Variants in STAC observed in about 807,000 individuals in gnomAD.
The protein encoded by STAC is SH3 and cysteine rich domain.
Under a neutral mutation model 48.8 loss-of-function variants are expected in STAC, and 43 were observed. That is an observed-to-expected ratio of 0.88 (90% CI 0.69 to 1.14). The LOEUF is 1.14. STAC is among the 50% of genes most tolerant of loss of function. STAC has a pLI of 0.00. For missense variants in STAC, 497 were observed against 504.0 expected, an observed-to-expected ratio of 0.99 and a Z score of 0.13; for synonymous variants, 193 against 179.5, an observed-to-expected ratio of 1.07 and a Z score of -0.60.
At chr3:36,517,131 A>G (rs114470630) in intron 8 of STAC, among the ~76,000 whole-genome samples, 5,545 of 152,220 alleles carry the variant, frequency 0.036, 220 homozygotes, top group African/African-American at 0.094. Flanking sequence ...GCCATCATGC[A>G]TGGGGTCTCG....
Position 36,475,044 on chromosome 3 carries a change from C to G in STAC, c.389-7948C>G, listed in dbSNP as rs530853518. On this transcript the variant is annotated intron_variant, in intron 2 of 10. Coordinates refer to ENST00000273183, the MANE Select transcript of STAC (RefSeq NM_003149.3). ...GCACGCATGTGTGTTTGTATATCCA[C>G]TGACAAACTCTTTCAAACTTAGTTT... Among the ~76,000 whole-genome samples the G allele has an allele frequency of 2.0e-5, 3 of 152,260 alleles. No homozygotes were observed. In the East Asian group the frequency reaches 5.8e-4, roughly 29 times the overall value.
chr3:36,489,493 C>G (rs1178842954), intron 5 of STAC, among the ~76,000 whole-genome samples: 1 of 152,192 alleles, frequency 6.6e-6, no homozygotes, highest in African/African-American at 2.4e-5. Flanking sequence ...GGTTGGGCAC[C>G]CACCTCTTCC....
At chr3:36,438,365 A>G (rs1262734544) in intron 1 of STAC, among the ~76,000 whole-genome samples, 1 of 152,218 alleles carries the variant, frequency 6.6e-6, no homozygotes, top group Non-Finnish European at 1.5e-5. Context: ...TACCATTATT[A>G]TTATAAACAA....
chr3:36,444,659 C>T (rs1282592819), intron 2 of STAC, among the ~76,000 whole-genome samples: 1 of 152,198 alleles, frequency 6.6e-6, no homozygotes, highest in Admixed American at 6.5e-5. Context: ...CCCCCTAGCC[C>T]CCACCTGCCG....
At chr3:36,462,246 T>A (rs985349975) in intron 2 of STAC, among the ~76,000 whole-genome samples, 1 of 152,108 alleles carries the variant, frequency 6.6e-6, no homozygotes, top group East Asian at 1.9e-4. Context: ...CTGTCTACTA[T>A]AAGTTTTGGA....
At chr3:36,452,018 T>G (rs1486510774) in intron 2 of STAC, among the ~76,000 whole-genome samples, 1 of 152,184 alleles carries the variant, frequency 6.6e-6, no homozygotes, top group African/African-American at 2.4e-5. Context: ...TAGCATTGTT[T>G]CCCTGTCTGC....
intron 1 of STAC, among the ~76,000 whole-genome samples, chr3:36,406,437 G>T (rs1700089663): frequency 1.3e-5 from 2 of 152,188 alleles, no homozygotes; most frequent in South Asian, 4.1e-4. Context: ...ACATCTACCA[G>T]CTGTGCCTCC....
intron 1 of STAC, among the ~76,000 whole-genome samples, chr3:36,406,723 AC>A (rs1264462574): frequency 6.6e-6 from 1 of 152,190 alleles, no homozygotes; most frequent in East Asian, 1.9e-4. Flanking sequence ...ATTCATTCAC[AC>A]ATTGTTTATG....
intron 1 of STAC, among the ~76,000 whole-genome samples, chr3:36,384,717 T>A (rs2125610528): frequency 6.6e-6 from 1 of 152,210 alleles, no homozygotes. Context: ...AGCATGTGAT[T>A]TAGATTTTGA....
chr3:36,443,563 GT>G lies in STAC; in HGVS notation c.312del (p.Gly105AlafsTer23). On this transcript the variant is annotated frameshift_variant, in exon 2 of 11. Transcript: ENST00000273183. LOFTEE classifies it high-confidence loss of function. This position sits in a 1 kb window ranked among gnomAD's most constrained non-coding sequence, Gnocchi z 4.2. The part of the protein sequence containing the change: ...STPARAGLHP[G>X]GKAHAFQEYI... ...CCCGCCAGGGCTGGTCTGCATCCAG[GT>G]GGCAAGGCTCATGCCTTTCAGGAAT... is the stretch of plus-strand genomic sequence containing the variant. The G allele has an allele frequency of 1.2e-6, 2 of 1,614,182 alleles. No individual in the cohort carries two copies. Among genetic ancestry groups the G allele is most frequent in the Non-Finnish European group, 1.7e-6 (2 of 1,180,048 alleles).
chr3:36,383,692 C>G (rs1003776858), intron 1 of STAC, among the ~76,000 whole-genome samples: 1 of 152,190 alleles, frequency 6.6e-6, no homozygotes, highest in Non-Finnish European at 1.5e-5. Flanking sequence ...TGTGAACAAC[C>G]CGAACCAGCA....
intron 1 of STAC, among the ~76,000 whole-genome samples, chr3:36,420,145 C>T (rs1700415274): frequency 2.6e-5 from 4 of 152,178 alleles, no homozygotes; most frequent in Admixed American, 2.6e-4. Context: ...AATAGAATAA[C>T]ACATCCTTTT....
chr3:36,384,689 A>C (rs1487659018), intron 1 of STAC, among the ~76,000 whole-genome samples: 1 of 152,124 alleles, frequency 6.6e-6, no homozygotes, highest in African/African-American at 2.4e-5. Context: ...CCCCAAGAAG[A>C]TAAGACATAG....
chr3:36,454,410 G>A (rs1202657820), intron 2 of STAC, among the ~76,000 whole-genome samples: 1 of 151,846 alleles, frequency 6.6e-6, no homozygotes, highest in African/African-American at 2.4e-5. Context: ...CCCACCAGAA[G>A]GAAGAAACTC....
intron 8 of STAC, among the ~76,000 whole-genome samples, chr3:36,507,570 C>T (rs1269191750): frequency 6.6e-6 from 1 of 151,888 alleles, no homozygotes; most frequent in East Asian, 1.9e-4. Flanking sequence ...GTTGATAGCC[C>T]ATTAATTATT....
intron 1 of STAC, among the ~76,000 whole-genome samples, chr3:36,419,023 G>A (rs1700385979): frequency 6.7e-6 from 1 of 149,526 alleles, no homozygotes; most frequent in South Asian, 2.1e-4. Flanking sequence ...CTCCAGCCTG[G>A]GCAACGAGAG....
At chr3:36,485,456 G>C (rs779857312) in intron 4 of STAC, among the ~76,000 whole-genome samples, 5 of 152,126 alleles carry the variant, frequency 3.3e-5, no homozygotes, top group Non-Finnish European at 7.3e-5. Context: ...AGCAATTGCT[G>C]CTTTTCATAA....
At chr3:36,386,569 ATTG>A (rs1266348787) in intron 1 of STAC, among the ~76,000 whole-genome samples, 1 of 151,902 alleles carries the variant, frequency 6.6e-6, no homozygotes, top group African/African-American at 2.4e-5. Flanking sequence ...ATTTTCTAGA[ATTG>A]TTATTATTTG....
chr3:36,394,679 C>T (rs1319413370), intron 1 of STAC, among the ~76,000 whole-genome samples: 1 of 151,946 alleles, frequency 6.6e-6, no homozygotes, highest in African/African-American at 2.4e-5. Context: ...TGTGGATCAC[C>T]TGAAGTCAGG....
Sources: allele counts gnomAD v4.1 joint callset (sites outside exome capture counted in the v4.1 genomes callset), GRCh38; gene constraint gnomAD v4.1.1; non-coding constraint Gnocchi (gnomAD v3.1); transcripts MANE v1.5; gene names NCBI Gene and HGNC (gene_info 2026-07-23, HGNC 2026-07-21).